The following SLC38A3 variants were observed in gnomAD, a reference collection of about 807,000 sequenced individuals.
The protein encoded by SLC38A3 is sodium-coupled neutral amino acid transporter 3.
SLC38A3 carries 17 observed loss-of-function variants against 59.5 expected under a neutral mutation model. The observed-to-expected ratio is 0.29, with a 90% confidence interval of 0.20 to 0.43. SLC38A3 has a LOEUF of 0.43. Among genes scored for constraint, SLC38A3 ranks in the 20% least tolerant of loss-of-function variants. The pLI, the probability that SLC38A3 is intolerant of heterozygous loss-of-function variation, is 1.00. For synonymous variants in SLC38A3, 238 were observed against 260.3 expected, an observed-to-expected ratio of 0.91 and a Z score of 0.82; for missense variants, 454 against 653.9, an observed-to-expected ratio of 0.69 and a Z score of 3.33.
Position 50,211,568 on chromosome 3 carries a change from CTTTTTTTTTTTTT to C in SLC38A3, c.-51-2566_-51-2554del, listed in dbSNP as rs765148889. ...GGAAGTCTTCCTTGATGCCCCCATCCTTTTTTTTTTTTTTTTTTTTTTTTTTTCTTTTTTTTTG... is the reference window on the plus strand; with the variant it reads ...GGAAGTCTTCCTTGATGCCCCCATCCTTTTTTTTTTTTTTCTTTTTTTTTG... On this transcript the variant is annotated intron_variant, in intron 1 of 15. Coordinates refer to ENST00000614032, the MANE Select transcript of SLC38A3 (RefSeq NM_006841.6). Among the ~76,000 whole-genome samples, 132 of 81,220 alleles carry C rather than the reference CTTTTTTTTTTTTT, an allele frequency of 1.6e-3. 1 individual carries two copies. The highest frequency in any genetic ancestry group is 4.8e-3 in the Admixed American group (25 of 5,218). 53.3% of individuals were successfully genotyped at this position (81,220 alleles called of 152,430 possible). A position where few individuals can be genotyped will look rare whatever the true frequency, so the allele number is the denominator to read the frequency against.
intron 1 of SLC38A3, among the ~76,000 whole-genome samples, chr3:50,213,644 T>G (rs1209452959): frequency 6.6e-6 from 1 of 152,124 alleles, no homozygotes; most frequent in East Asian, 1.9e-4. Context: ...CCTCACCCTC[T>G]CCCGAGGCCT....
At position 50,218,760 on chromosome 3, in the gene SLC38A3, T is replaced by C; in HGVS notation, c.1161+43T>C. 6.3e-7 allele frequency: 1 copy of C among 1,597,572 alleles called. No individual in the cohort carries two copies. Among genetic ancestry groups the C allele is most frequent in the Non-Finnish European group, 8.6e-7 (1 of 1,166,556 alleles). On this transcript the variant is annotated intron_variant, in intron 13 of 15. Transcript: ENST00000614032. This position sits in a 1 kb window ranked among gnomAD's most constrained non-coding sequence, Gnocchi z 5.8. ...TGGCTAGACTAGTGGCGGGAGGGGC[T>C]GATGGGGCCAACAGGCTGATGATTC...
chr3:50,208,865 C>G (rs1699682913), intron 1 of SLC38A3, among the ~76,000 whole-genome samples: 1 of 152,188 alleles, frequency 6.6e-6, no homozygotes, highest in African/African-American at 2.4e-5. Context: ...CCTGCTCTGT[C>G]CCTGTCTATC....
In SLC38A3 at chr3:50,218,856, T is replaced by C. The variant is rs1699860810; in HGVS notation, c.1214T>C (p.Leu405Pro). 2 of 1,613,350 alleles carry C rather than the reference T, an allele frequency of 1.2e-6. No individual in the cohort carries two copies. Among genetic ancestry groups the C allele is most frequent in the South Asian group, 2.2e-5 (2 of 91,066 alleles). The change falls in exon 14 of 16, where the codon CTG (leucine) becomes CCG (proline). Residue 405 changes from leucine to proline, a missense_variant. Physicochemically the swap from Leu to Pro is moderately conservative, Grantham distance 98. This residue lies in a region of SLC38A3 where 390 missense variants were observed against 557.9 expected (regional missense o/e 0.70). Coordinates refer to ENST00000614032, the MANE Select transcript of SLC38A3 (RefSeq NM_006841.6). The surrounding 1 kb of genome is among the most constrained non-coding windows in gnomAD (Gnocchi z 5.8). The part of the protein sequence containing the change: ...MLFPNQEFSW[L>P]RHVLIAVGLL... ...TTTCCAAACCAGGAGTTCAGCTGGC[T>C]GCGGCATGTGCTTATTGCCGTTGGC...
intron 1 of SLC38A3, chr3:50,207,557 G>A (rs1287307364): frequency 6.6e-6 from 1 of 152,166 alleles, no homozygotes; most frequent in Non-Finnish European, 1.5e-5. Context: ...ACCTCAAGCA[G>A]TCTGCCTGCC....
At chr3:50,208,703 AT>A (rs746578225) in intron 1 of SLC38A3, among the ~76,000 whole-genome samples, 3 of 151,908 alleles carry the variant, frequency 2.0e-5, no homozygotes, top group African/African-American at 4.8e-5. Context: ...CGCTATCTGC[AT>A]GTGGTTTTTG....
rs758845667 is a variant in SLC38A3, at chr3:50,214,318, C to A, written c.101+18C>A. The A allele has an allele frequency of 1.9e-6, 3 of 1,612,744 alleles. No homozygotes were observed. The highest frequency in any genetic ancestry group is 2.5e-6 in the Non-Finnish European group (3 of 1,179,044). On this transcript the variant is annotated intron_variant, in intron 2 of 15. Transcript: ENST00000614032. The surrounding 1 kb of genome is among the most constrained non-coding windows in gnomAD (Gnocchi z 6.0). The stretch of plus-strand genomic sequence containing the variant: ...AACCAGAGGTGAGTACCAGAGGGAC[C>A]CAGTGGTGGCTGAAGACAGGGCAGG...
rs1450180738 is a variant in SLC38A3, at chr3:50,215,858, G to T, written c.548+37G>T. On this transcript the variant is annotated intron_variant, in intron 7 of 15. Coordinates refer to ENST00000614032, the MANE Select transcript of SLC38A3 (RefSeq NM_006841.6). This position sits in a 1 kb window ranked among gnomAD's most constrained non-coding sequence, Gnocchi z 7.1. Reference sequence around the variant, plus strand: ...CGTGGGGAGGGGAGGGGAGGGGTGCGGTGCAGTGAGGAGGGGTGGGGTGGG... The same window carrying T: ...CGTGGGGAGGGGAGGGGAGGGGTGCTGTGCAGTGAGGAGGGGTGGGGTGGG... The T allele has an allele frequency of 3.5e-6, 3 of 868,134 alleles. No individual in the cohort carries two copies. In the Admixed American group the frequency reaches 6.3e-5, roughly 18 times the overall value. The allele number at this position is 868,134 out of a possible 1,614,324, so 53.8% of individuals were successfully genotyped here. A position where few individuals can be genotyped will look rare whatever the true frequency, so the allele number is the denominator to read the frequency against.
Position 50,218,364 on chromosome 3 carries a change from T to C in SLC38A3, c.1030T>C (p.Phe344Leu). The C allele has an allele frequency of 6.2e-7, 1 of 1,605,876 alleles. No individual in the cohort carries two copies. Among genetic ancestry groups the C allele is most frequent in the Non-Finnish European group, 8.5e-7 (1 of 1,172,516 alleles). Residue 344 changes from phenylalanine to leucine, a missense_variant, in exon 12 of 16, where the codon TTC becomes CTC. Transcript: ENST00000614032. This position sits in a 1 kb window ranked among gnomAD's most constrained non-coding sequence, Gnocchi z 5.8. The part of the protein sequence containing the change: ...FLAALFGYLT[F>L]YNGVESELLH... ...GGCTGCCCTCTTCGGCTACCTCACC[T>C]TCTACAGTACGGTGGCACCGGTGGG...
At chr3:50,216,944 T>G (rs988570759) in intron 7 of SLC38A3, among the ~76,000 whole-genome samples, 3 of 152,142 alleles carry the variant, frequency 2.0e-5, no homozygotes, top group Non-Finnish European at 2.9e-5. Flanking sequence ...GGCTAATTTT[T>G]TTGTATTTTT....
intron 1 of SLC38A3, among the ~76,000 whole-genome samples, chr3:50,209,648 C>CAAAAAAAAAAAAAAAAAAAAAAAAAAAA (rs113482440): frequency 8.7e-6 from 1 of 114,952 alleles, no homozygotes; most frequent in African/African-American, 3.3e-5. Context: ...GACTCCGTCT[C>CAAAAAAAAAAAAAAAAAAAAAAAAAAAA]AAAAAAAAAA....
At position 50,214,761 on chromosome 3, in the gene SLC38A3, CT is replaced by C; in HGVS notation, c.296del (p.Phe99SerfsTer5). ...AYAMANTGIILFLFLLTAVAL... is the reference protein window; with the variant it reads ...AYAMANTGIIXFLFLLTAVAL... ...TGCCATGGCCAATACGGGCATTATC[CT>C]TTTCCTGTGAGTGCCCTCAGAGAAA... is the stretch of plus-strand genomic sequence containing the variant. On this transcript the variant is annotated frameshift_variant, in exon 4 of 16. Transcript: ENST00000614032. LOFTEE classifies it high-confidence loss of function. This position sits in a 1 kb window ranked among gnomAD's most constrained non-coding sequence, Gnocchi z 6.0. The C allele has an allele frequency of 6.2e-7, 1 of 1,605,236 alleles. No individual in the cohort carries two copies. The highest frequency in any genetic ancestry group is 8.5e-7 in the Non-Finnish European group (1 of 1,173,470).
rs1278178677 is a variant in SLC38A3, at chr3:50,217,464, C to G, written c.681C>G (p.Phe227Leu). Residue 227 changes from phenylalanine to leucine, a missense_variant, in exon 9 of 16, where the codon TTC becomes TTG. Transcript: ENST00000614032. This position sits in a 1 kb window ranked among gnomAD's most constrained non-coding sequence, Gnocchi z 4.9. Reference protein sequence around the residue: ...SGFSLSCMVFFLIAVIYKKFH... With the variant: ...SGFSLSCMVFLLIAVIYKKFH... ...TCTCTCTTAGCTGCATGGTGTTCTT[C>G]CTAATTGCAGTGAGTCACCCTCCAT... is the stretch of plus-strand genomic sequence containing the variant. 1 of 1,613,196 alleles carries G rather than the reference C, an allele frequency of 6.2e-7. No individual in the cohort carries two copies. Among genetic ancestry groups the G allele is most frequent in the Admixed American group, 1.7e-5 (1 of 59,890 alleles).
intron 1 of SLC38A3, among the ~76,000 whole-genome samples, chr3:50,209,126 C>T (rs2109149526): frequency 6.6e-6 from 1 of 152,352 alleles, no homozygotes; most frequent in African/African-American, 2.4e-5. Flanking sequence ...GCCACAGTCA[C>T]GTGATGTCCT....
chr3:50,211,426 C>T (rs1699725834), intron 1 of SLC38A3, among the ~76,000 whole-genome samples: 1 of 152,232 alleles, frequency 6.6e-6, no homozygotes, highest in African/African-American at 2.4e-5. Context: ...TACAGCTTGC[C>T]TCGTACTGCA....
chr3:50,215,310 A>C lies in SLC38A3; in HGVS notation c.300-76A>C. ...CAGACCCTCCACCCCCAGGCCTCCC[A>C]GAGCCCCTCACCCTCTGCCAGCCAC... On this transcript the variant is annotated intron_variant, in intron 4 of 15. Coordinates refer to ENST00000614032, the MANE Select transcript of SLC38A3 (RefSeq NM_006841.6). The surrounding 1 kb of genome is among the most constrained non-coding windows in gnomAD (Gnocchi z 7.1). 1 of 1,366,228 alleles carries C rather than the reference A, an allele frequency of 7.3e-7. No homozygotes were observed. The highest frequency in any genetic ancestry group is 1.7e-5 in the Admixed American group (1 of 59,130). The allele number at this position is 1,366,228 out of a possible 1,614,324, so 84.6% of individuals were successfully genotyped here.
chr3:50,215,394 T>C lies in SLC38A3; in HGVS notation c.308T>C (p.Leu103Ser). ...NTGIILFLFL[L>S]TAVALLSSYS... Reference sequence around the variant, plus strand: ...TTCCCATGTGTCCCCAGGTTCCTGTTGACAGCTGTCGCCTTGCTCTCCAGC... The same window carrying C: ...TTCCCATGTGTCCCCAGGTTCCTGTCGACAGCTGTCGCCTTGCTCTCCAGC... The change falls in exon 5 of 16, where the codon TTG becomes TCG. Residue 103 changes from leucine (L) to serine (S), a missense_variant. Leu to Ser is a moderately radical substitution (Grantham distance 145). This residue lies in a region of SLC38A3 where 390 missense variants were observed against 557.9 expected (regional missense o/e 0.70). Transcript: ENST00000614032. This position sits in a 1 kb window ranked among gnomAD's most constrained non-coding sequence, Gnocchi z 7.1. 6.2e-7 allele frequency: 1 copy of C among 1,613,952 alleles called. No homozygotes were observed. The highest frequency in any genetic ancestry group is 8.5e-7 in the Non-Finnish European group (1 of 1,179,810).
At chr3:50,212,838 G>A (rs928936449) in intron 1 of SLC38A3, among the ~76,000 whole-genome samples, 17 of 152,326 alleles carry the variant, frequency 1.1e-4, no homozygotes, top group African/African-American at 2.9e-4. Context: ...ATCAGGGGCC[G>A]GAGTGGGGAT....
chr3:50,218,785 C>T lies in SLC38A3; in HGVS notation c.1162-19C>T. On this transcript the variant is annotated intron_variant, in intron 13 of 15. Coordinates refer to ENST00000614032, the MANE Select transcript of SLC38A3 (RefSeq NM_006841.6). This position sits in a 1 kb window ranked among gnomAD's most constrained non-coding sequence, Gnocchi z 5.8. ...TGATGGGGCCAACAGGCTGATGATT[C>T]TTCTCACCTGCCCCCCAGGTGCGCC... The T allele has an allele frequency of 6.2e-7, 1 of 1,600,864 alleles. No individual in the cohort carries two copies. The highest frequency in any genetic ancestry group is 8.6e-7 in the Non-Finnish European group (1 of 1,168,968).
Sources: gnomAD v4.1 joint callset for allele counts (sites outside exome capture counted in the v4.1 genomes callset) on GRCh38, gnomAD v4.1.1 for gene constraint, gnomAD v4.1.1 regional missense constraint, Gnocchi (gnomAD v3.1) non-coding constraint, MANE v1.5 for transcripts, NCBI Gene and HGNC (gene_info 2026-07-23, HGNC 2026-07-21) for gene names.